The following CMSS1 variants were observed in gnomAD, a reference collection of about 807,000 sequenced individuals.
The protein encoded by CMSS1 is protein CMSS1.
A neutral mutation model predicts 43.5 loss-of-function variants in CMSS1; 33 were observed. The ratio of observed to expected loss-of-function variants is 0.76; its 90% CI spans 0.57 to 1.01. The LOEUF is 1.01. CMSS1 is among the 50% of genes least tolerant of loss of function. The pLI is 0.00. For synonymous variants in CMSS1, 115 were observed against 117.2 expected, an observed-to-expected ratio of 0.98 and a Z score of 0.12; for missense variants, 313 against 326.4, an observed-to-expected ratio of 0.96 and a Z score of 0.32.
rs1008648053 is a variant in CMSS1 at position 99,833,315 on chromosome 3, A to G, written c.64+15272A>G. 2.7e-6 allele frequency: 4 copies of G among 1,477,212 alleles called. No homozygotes were observed. In the African/African-American group the frequency reaches 5.6e-5, roughly 21 times the overall value. 91.5% of individuals were successfully genotyped at this position (1,477,212 alleles called of 1,614,324 possible). On this transcript the variant is annotated intron_variant, in intron 1 of 9. Transcript: ENST00000421999. ...AATTTGTGGAATATATTAAATTCTA[A>G]AAGTGTTGGTTTGTTTTATCCATAG...
At chr3:99,880,666 T>G (rs549838042) in intron 1 of CMSS1, among the ~76,000 whole-genome samples, 8 of 152,072 alleles carry the variant, frequency 5.3e-5, no homozygotes, top group Non-Finnish European at 1.2e-4. Flanking sequence ...ATTTAAAATT[T>G]TTTTGTTTTA....
intron 4 of CMSS1, among the ~76,000 whole-genome samples, chr3:100,165,985 A>T (rs1384485381): frequency 1.3e-5 from 2 of 152,192 alleles, no homozygotes; most frequent in Non-Finnish European, 2.9e-5. Context: ...TCTGATAACT[A>T]GTGAGTTTCA....
chr3:100,100,207 T>G (rs552415460), intron 1 of CMSS1, among the ~76,000 whole-genome samples: 2 of 152,234 alleles, frequency 1.3e-5, no homozygotes, highest in South Asian at 4.1e-4. Context: ...ACAAGTAGCC[T>G]TCTCCTGAGA....
chr3:100,166,478 GT>G, intron 5 of CMSS1, 84 bp downstream of exon 5: 1 of 880,260 alleles, frequency 1.1e-6, no homozygotes, highest in Non-Finnish European at 1.9e-6. Context: ...TCTCGTTTTT[GT>G]TTTATAACAC....
chr3:99,966,409 C>T (rs534886493), intron 1 of CMSS1, among the ~76,000 whole-genome samples: 7 of 151,146 alleles, frequency 4.6e-5, no homozygotes, highest in Admixed American at 1.3e-4. Context: ...TTTTTTTTTT[C>T]GGCTATATAT....
chr3:100,163,740 C>T (rs1438333792), intron 4 of CMSS1, among the ~76,000 whole-genome samples: 1 of 152,046 alleles, frequency 6.6e-6, no homozygotes, highest in African/African-American at 2.4e-5. Flanking sequence ...AATTATAATG[C>T]ATCCTTTAAC....
At chr3:100,010,143 A>AT (rs1227949981) in intron 1 of CMSS1, 1 of 973,812 alleles carries the variant, frequency 1.0e-6, no homozygotes, top group Admixed American at 6.2e-5. Flanking sequence ...AAGTCATCTG[A>AT]TTGGAGCCAC....
intron 1 of CMSS1, among the ~76,000 whole-genome samples, chr3:100,021,915 TTGTGTGTGTG>T (rs61704772): frequency 0.33 from 34,057 of 104,134 alleles, 6,304 homozygotes; most frequent in Middle Eastern, 0.39. Flanking sequence ...CTAGATCCCA[TTGTGTGTGTG>T]TGTGTGTGTG....
chr3:100,076,465 A>G (rs960558896), intron 1 of CMSS1, among the ~76,000 whole-genome samples: 74 of 152,310 alleles, frequency 4.9e-4, no homozygotes, highest in African/African-American at 1.5e-3. Flanking sequence ...ACAGCTTCAC[A>G]TCTACTTTAT....
intron 1 of CMSS1, among the ~76,000 whole-genome samples, chr3:99,943,283 T>C (rs576232387): frequency 6.6e-6 from 1 of 152,318 alleles, no homozygotes; most frequent in East Asian, 1.9e-4. Flanking sequence ...TTTGAAGACA[T>C]TTCCAAAATG....
rs113857241 is a variant in CMSS1 at position 100,136,686 on chromosome 3, G to A, written c.65-10287G>A. Among the ~76,000 whole-genome samples the A allele has an allele frequency of 8.1e-4, 123 of 152,300 alleles. 1 individual carries two copies. The highest frequency in any genetic ancestry group is 2.8e-3 in the African/African-American group (117 of 41,552). The stretch of plus-strand genomic sequence containing the variant: ...CTGAGCTGAGGTTTAGAGGGTAGGG[G>A]TGAGATTTTGATGGAAAAGGAAAGG... On this transcript the variant is annotated intron_variant, in intron 1 of 9. Coordinates refer to ENST00000421999, the MANE Select transcript of CMSS1 (RefSeq NM_032359.4).
rs114618001 is a variant in CMSS1, at chr3:99,828,020, A to G, written c.64+9977A>G. ...TTAGGAAGTCTCCTGACATGGGAGA[A>G]AACAATTTTGAAAGCTTCAACATAC... On this transcript the variant is annotated intron_variant, in intron 1 of 9. Coordinates refer to ENST00000421999, the MANE Select transcript of CMSS1 (RefSeq NM_032359.4). Among the ~76,000 whole-genome samples the G allele has an allele frequency of 9.7e-3, 1,480 of 152,342 alleles. 26 individuals carry two copies. The highest frequency in any genetic ancestry group is 0.034 in the African/African-American group (1,423 of 41,572).
chr3:99,960,306 A>G (rs1267806622), intron 1 of CMSS1, among the ~76,000 whole-genome samples: 1 of 152,042 alleles, frequency 6.6e-6, no homozygotes, highest in Non-Finnish European at 1.5e-5. Context: ...TAGGATCCCC[A>G]TTTTACAGAT....
chr3:100,120,843 TAAG>T lies in CMSS1; in HGVS notation c.65-26126_65-26124del, dbSNP rs375184037. Among the ~76,000 whole-genome samples, 144 of 151,522 alleles carry T rather than the reference TAAG, an allele frequency of 9.5e-4. No individual in the cohort carries two copies. The East Asian group carries it at 0.018, about 19-fold the overall frequency. On this transcript the variant is annotated intron_variant, in intron 1 of 9. Transcript: ENST00000421999. ...CAGTAGGTTTCTGGCAGGAAAAGAGTAAGAAGGAGGGCATTCTAGGCAGAGGAC... is the reference window on the plus strand; with the variant it reads ...CAGTAGGTTTCTGGCAGGAAAAGAGTAAGGAGGGCATTCTAGGCAGAGGAC...
chr3:99,907,525 A>G lies in CMSS1; in HGVS notation c.64+89482A>G, dbSNP rs548028065. On this transcript the variant is annotated intron_variant, in intron 1 of 9. Transcript: ENST00000421999. ...GCCTCCCAAAGTGCTGGGATTACAG[A>G]CGTGAGCCAACGCACCTGGCGTACC... Among the ~76,000 whole-genome samples, 21 of 152,164 alleles carry G rather than the reference A, an allele frequency of 1.4e-4. No individual in the cohort carries two copies. The South Asian group carries it at 4.4e-3, about 32-fold the overall frequency.
chr3:99,941,549 G>A (rs1707851023), intron 1 of CMSS1, among the ~76,000 whole-genome samples: 1 of 152,172 alleles, frequency 6.6e-6, no homozygotes, highest in Non-Finnish European at 1.5e-5. Context: ...GGTGTTCAAT[G>A]GTGAAAAGTG....
intron 1 of CMSS1, among the ~76,000 whole-genome samples, chr3:99,989,217 A>G (rs114435851): frequency 8.6e-4 from 131 of 152,294 alleles, no homozygotes; most frequent in African/African-American, 2.8e-3. Context: ...TATGACTCCA[A>G]AGCTCACAAA....
intron 1 of CMSS1, among the ~76,000 whole-genome samples, chr3:100,077,396 C>G (rs2065866773): frequency 6.6e-6 from 1 of 152,136 alleles, no homozygotes; most frequent in Admixed American, 6.5e-5. Context: ...GGACAGCAAC[C>G]AGTTTAAAAA....
chr3:100,018,073 A>G (rs1710396778), intron 1 of CMSS1, among the ~76,000 whole-genome samples: 1 of 152,200 alleles, frequency 6.6e-6, no homozygotes, highest in South Asian at 2.1e-4. Context: ...TCACGCCTGT[A>G]ATCTCAGCAC....
Sources: gnomAD v4.1 joint callset for allele counts (sites outside exome capture counted in the v4.1 genomes callset) on GRCh38, gnomAD v4.1.1 for gene constraint, MANE v1.5 for transcripts, NCBI Gene and HGNC (gene_info 2026-07-23, HGNC 2026-07-21) for gene names.